The following DLG2 variants were observed in gnomAD, a reference collection of about 807,000 sequenced individuals.
DLG2 encodes discs large MAGUK scaffold protein 2, also known as disks large homolog 2.
DLG2 carries 45 observed loss-of-function variants against 132.5 expected under a neutral mutation model. The ratio of observed to expected loss-of-function variants is 0.34; its 90% confidence interval spans 0.27 to 0.44. The LOEUF is 0.44. Ranked by LOEUF, DLG2 falls within the 20% of genes least tolerant of loss-of-function variation. The pLI is 1.00. For synonymous variants in DLG2, 424 were observed against 419.6 expected, an observed-to-expected ratio of 1.01 and a Z score of -0.13; for missense variants, 1,045 against 1,196.9, an observed-to-expected ratio of 0.87 and a Z score of 1.87.
intron 18 of DLG2, among the ~76,000 whole-genome samples, chr11:83,730,945 T>G (rs2090901027): frequency 6.6e-6 from 1 of 152,154 alleles, no homozygotes; most frequent in South Asian, 2.1e-4. Context: ...GGTCCCTAAA[T>G]TTTAGATGAT....
At chr11:84,830,988 C>A (rs1454210810) in intron 6 of DLG2, among the ~76,000 whole-genome samples, 1 of 111,420 alleles carries the variant, frequency 9.0e-6, no homozygotes. Context: ...TATTTCTTTT[C>A]CCCCCATATT....
chr11:84,919,446 TA>T (rs976914219), intron 6 of DLG2, among the ~76,000 whole-genome samples: 42 of 152,280 alleles, frequency 2.8e-4, no homozygotes, highest in African/African-American at 9.6e-4. Context: ...CAGTAAATTT[TA>T]AAAATAAAGG....
At chr11:84,241,459 T>C (rs2097223539) in intron 8 of DLG2, among the ~76,000 whole-genome samples, 2 of 152,216 alleles carry the variant, frequency 1.3e-5, no homozygotes, top group African/African-American at 4.8e-5. Flanking sequence ...CTTTAGGATA[T>C]GTAAGAATAA....
Position 83,654,991 on chromosome 11 carries a change from C to T in DLG2, c.1826-21666G>A, listed in dbSNP as rs2071899782. ...TTCTGTATCAGGGTGTTGTAAGATT[C>T]CAGCCCATGTGAGAATGAATGGTTG... On this transcript the variant is annotated intron_variant, in intron 18 of 27. Coordinates refer to ENST00000376104, the MANE Select transcript of DLG2 (RefSeq NM_001142699.3). Among the ~76,000 whole-genome samples the T allele has an allele frequency of 2.0e-5, 3 of 152,268 alleles. No homozygotes were observed. The South Asian group carries it at 6.2e-4, about 32-fold the overall frequency.
chr11:83,809,221 T>C (rs192738126), intron 17 of DLG2, among the ~76,000 whole-genome samples: 1 of 152,304 alleles, frequency 6.6e-6, no homozygotes, highest in East Asian at 1.9e-4. Flanking sequence ...ATCTTTCTCA[T>C]TCCACCATCA....
intron 16 of DLG2, among the ~76,000 whole-genome samples, chr11:83,862,274 G>T (rs543823767): frequency 1.3e-5 from 2 of 152,110 alleles, no homozygotes; most frequent in Admixed American, 1.3e-4. Flanking sequence ...AAAAGAATGA[G>T]ATCCTGTCAT....
intron 21 of DLG2, among the ~76,000 whole-genome samples, chr11:83,507,775 T>C (rs2094801239): frequency 1.3e-5 from 1 of 79,176 alleles, no homozygotes; most frequent in Non-Finnish European, 2.7e-5. Flanking sequence ...TATATATATA[T>C]ATATATATAT....
intron 18 of DLG2, among the ~76,000 whole-genome samples, chr11:83,716,890 A>C (rs1233720258): frequency 6.6e-6 from 1 of 152,192 alleles, no homozygotes; most frequent in East Asian, 1.9e-4. Context: ...AGGACCTGGA[A>C]TTGCGTAGGC....
chr11:84,021,939 G>T (rs973569533), intron 11 of DLG2, among the ~76,000 whole-genome samples: 1 of 151,942 alleles, frequency 6.6e-6, no homozygotes, highest in Non-Finnish European at 1.5e-5. Flanking sequence ...TAGAGACGGG[G>T]TTTCTCCATG....
intron 7 of DLG2, among the ~76,000 whole-genome samples, chr11:84,368,967 G>C (rs1042703261): frequency 2.6e-5 from 4 of 151,574 alleles, no homozygotes; most frequent in African/African-American, 9.7e-5. Context: ...TATTTTTTTT[G>C]AAATTGAAGT....
intron 7 of DLG2, among the ~76,000 whole-genome samples, chr11:84,313,674 A>AAAGAAAGAAAGG (rs1363760629): frequency 6.6e-6 from 1 of 151,772 alleles, no homozygotes; most frequent in Non-Finnish European, 1.5e-5. Context: ...AGAAAGAAAG[A>AAAGAAAGAAAGG]AAGAAAGAAA....
chr11:84,004,307 T>A (rs962725267), intron 11 of DLG2, among the ~76,000 whole-genome samples: 2 of 151,976 alleles, frequency 1.3e-5, no homozygotes, highest in African/African-American at 4.8e-5. Flanking sequence ...AAACATAATA[T>A]ATCACATCAA....
chr11:84,354,331 T>C (rs1308110793), intron 7 of DLG2, among the ~76,000 whole-genome samples: 1 of 152,156 alleles, frequency 6.6e-6, no homozygotes, highest in African/African-American at 2.4e-5. Context: ...TTAGACTGCT[T>C]ACATATAATG....
At chr11:85,346,190 T>TC (rs2082833057) in intron 3 of DLG2, among the ~76,000 whole-genome samples, 2 of 145,632 alleles carry the variant, frequency 1.4e-5, no homozygotes, top group South Asian at 2.1e-4. Context: ...TTTTCTTTCT[T>TC]TTTTTTTTTT....
intron 7 of DLG2, among the ~76,000 whole-genome samples, chr11:84,306,900 A>G (rs924771021): frequency 1.2e-4 from 19 of 152,248 alleles, no homozygotes; most frequent in African/African-American, 4.3e-4. Context: ...GTGAGAGTGC[A>G]AATTAGTTCA....
chr11:85,464,916 T>C (rs904297676), intron 3 of DLG2, among the ~76,000 whole-genome samples: 15 of 150,374 alleles, frequency 1.0e-4, no homozygotes, highest in Non-Finnish European at 1.5e-4. Context: ...CTACTAAAAA[T>C]ACAAAAAATT....
At position 83,965,321 on chromosome 11, in the gene DLG2, T is replaced by C; in HGVS notation, c.1201+3A>G. 1 of 1,603,546 alleles carries C rather than the reference T, an allele frequency of 6.2e-7. No individual in the cohort carries two copies. On this transcript the variant is annotated splice_donor_region_variant and intron_variant, in intron 13 of 27. Transcript: ENST00000376104. ...GCTATTTGAAGATGACAATGGTACTTACAGTGAGTAATATCAGGTGGACCA... is the reference window on the plus strand; with the variant it reads ...GCTATTTGAAGATGACAATGGTACTCACAGTGAGTAATATCAGGTGGACCA...
intron 6 of DLG2, among the ~76,000 whole-genome samples, chr11:84,932,911 G>C: frequency 6.6e-6 from 1 of 152,080 alleles, no homozygotes; most frequent in East Asian, 1.9e-4. Context: ...TGTTATTTCT[G>C]GTTCTAGATC....
At chr11:84,166,449 C>CCTAGATAGTG (rs1245707538) in intron 8 of DLG2, among the ~76,000 whole-genome samples, 1 of 145,360 alleles carries the variant, frequency 6.9e-6, no homozygotes, top group Non-Finnish European at 1.5e-5. Flanking sequence ...TTGCAGTGAG[C>CCTAGATAGTG]CTAGATAGTG....
Sources: allele counts gnomAD v4.1 joint callset (sites outside exome capture counted in the v4.1 genomes callset), GRCh38; gene constraint gnomAD v4.1.1; transcripts MANE v1.5; gene names NCBI Gene and HGNC (gene_info 2026-07-23, HGNC 2026-07-21).